SERPIND1: variants seen among roughly 807,000 people sequenced by gnomAD.
The protein encoded by SERPIND1 is heparin cofactor 2.
SERPIND1 carries 34 observed loss-of-function variants against 35.0 expected under a neutral mutation model. That is an observed-to-expected ratio of 0.97 (90% CI 0.74 to 1.29). SERPIND1 has a LOEUF of 1.29. SERPIND1 is among the 50% of genes most tolerant of loss of function. The pLI, the probability that SERPIND1 is intolerant of heterozygous loss-of-function variation, is 0.00. For synonymous variants in SERPIND1, 236 were observed against 241.1 expected (o/e 0.98, Z 0.19); for missense variants, 633 against 637.7 (o/e 0.99, Z 0.08).
chr22:20,779,696 C>T lies in SERPIND1; in HGVS notation c.384C>T (p.Ile128=). The T allele has an allele frequency of 6.2e-7, 1 of 1,614,250 alleles. No homozygotes were observed. The highest frequency in any genetic ancestry group is 1.6e-4 in the Middle Eastern group (1 of 6,062). The change falls in exon 2 of 5, where the codon ATC becomes ATT. Residue 128 remains isoleucine (I), a synonymous_variant. Transcript: ENST00000215727. ...HGKSRIQRLN[I]LNAKFAFNLY... ...AGAGCCGGATCCAGCGTCTTAACAT[C>T]CTCAACGCCAAGTTCGCTTTCAACC...
At chr22:20,783,871 A>C (rs1209022915) in intron 2 of SERPIND1, 101 bp from the exon 3 acceptor site, 1 of 1,514,700 alleles carries the variant, frequency 6.6e-7, no homozygotes, top group Admixed American at 1.7e-5. Flanking sequence ...TCTGCAGGCT[A>C]TCTGAATGAG....
chr22:20,786,511 A>G (rs1383296971), intron 4 of SERPIND1, among the ~76,000 whole-genome samples: 1 of 152,032 alleles, frequency 6.6e-6, no homozygotes, highest in Admixed American at 6.6e-5. Context: ...ACTTAAACCA[A>G]TCGGGCGCTC....
At chr22:20,780,338 G>A in intron 2 of SERPIND1, 137 bp downstream of exon 2, 3 of 1,345,842 alleles carry the variant, frequency 2.2e-6, no homozygotes, top group Non-Finnish European at 3.1e-6. Flanking sequence ...TCTGGAACGG[G>A]GACAGGGAAG....
chr22:20,777,623 A>T (rs1415801278), intron 1 of SERPIND1, among the ~76,000 whole-genome samples: 1 of 152,152 alleles, frequency 6.6e-6, no homozygotes, highest in Non-Finnish European at 1.5e-5. Flanking sequence ...CAGTGTTGGG[A>T]TTATAGGCGT....
Position 20,787,037 on chromosome 22 carries a change from G to T in SERPIND1, c.1471G>T (p.Gly491Ter), listed in dbSNP as rs1934301567. 6.2e-7 allele frequency: 1 copy of T among 1,614,044 alleles called. No individual in the cohort carries two copies. Among genetic ancestry groups the T allele is most frequent in the African/African-American group, 1.3e-5 (1 of 75,048 alleles). ...EHRTSCLLFM[G>*]RVANPSRS The stretch of plus-strand genomic sequence containing the variant: ...TCGCACCAGCTGCCTGCTCTTCATG[G>T]GAAGAGTGGCCAACCCCAGCAGGTC... The change falls in exon 5 of 5, where the codon GGA (glycine) becomes TGA (stop). Residue 491 changes from glycine (G) to a stop codon, truncating the protein, a stop_gained. Coordinates refer to ENST00000215727, the MANE Select transcript of SERPIND1 (RefSeq NM_000185.4). LOFTEE classifies it high-confidence loss of function.
Position 20,786,939 on chromosome 22 carries a change from T to C in SERPIND1, c.1373T>C (p.Val458Ala), listed in dbSNP as rs772390602. Residue 458 changes from valine (V) to alanine (A), a missense_variant, in exon 5 of 5, where the codon GTG (valine) becomes GCG (alanine). Coordinates refer to ENST00000215727, the MANE Select transcript of SERPIND1 (RefSeq NM_000185.4). ...ACCCAAGCCACCACTGTGACCACGG[T>C]GGGGTTCATGCCGCTGTCCACCCAA... ...EGTQATTVTT[V>A]GFMPLSTQVR... 1 of 1,614,082 alleles carries C rather than the reference T, an allele frequency of 6.2e-7. No individual in the cohort carries two copies. Among genetic ancestry groups the C allele is most frequent in the South Asian group, 1.1e-5 (1 of 91,066 alleles).
At chr22:20,777,744 C>G (rs988815028) in intron 1 of SERPIND1, among the ~76,000 whole-genome samples, 3 of 152,180 alleles carry the variant, frequency 2.0e-5, no homozygotes, top group Admixed American at 2.0e-4. Context: ...CCTGGCAAAA[C>G]ATGGAATCAT....
intron 1 of SERPIND1, among the ~76,000 whole-genome samples, chr22:20,778,841 C>T (rs773613031): frequency 1.9e-4 from 29 of 152,222 alleles, no homozygotes; most frequent in Admixed American, 6.5e-5. Flanking sequence ...TCCGTACCCC[C>T]ATGTGCTCTG....
chr22:20,786,578 G>A (rs1323451664), intron 4 of SERPIND1, among the ~76,000 whole-genome samples: 5 of 152,196 alleles, frequency 3.3e-5, no homozygotes, highest in East Asian at 1.9e-4. Flanking sequence ...TCCCCATCCC[G>A]GAGAAGTGCG....
intron 4 of SERPIND1, 67 bp from the exon 5 acceptor site, chr22:20,786,808 T>C (rs1385451763): frequency 3.4e-6 from 5 of 1,449,468 alleles, no homozygotes; most frequent in South Asian, 1.1e-5. Flanking sequence ...TGATATGAGA[T>C]TGTGCTGGGA....
At chr22:20,781,705 G>GAC (rs1221189493) in intron 2 of SERPIND1, among the ~76,000 whole-genome samples, 3 of 152,234 alleles carry the variant, frequency 2.0e-5, no homozygotes, top group Admixed American at 6.5e-5. Flanking sequence ...GCTTGCGGCA[G>GAC]ACACACACAC....
At chr22:20,779,073 A>G in intron 1 of SERPIND1, 1 of 1,028,028 alleles carries the variant, frequency 9.7e-7, no homozygotes. Context: ...GATTTTCATC[A>G]AGGGGCCCAC....
intron 1 of SERPIND1, among the ~76,000 whole-genome samples, chr22:20,778,436 C>T (rs911628174): frequency 6.6e-6 from 1 of 151,872 alleles, no homozygotes; most frequent in Non-Finnish European, 1.5e-5. Context: ...TCCAGGAGGC[C>T]GAAGTTGCAG....
chr22:20,780,580 C>G (rs1038494516), intron 2 of SERPIND1, among the ~76,000 whole-genome samples: 2 of 151,960 alleles, frequency 1.3e-5, no homozygotes, highest in African/African-American at 4.8e-5. Flanking sequence ...TCAGCCTGAC[C>G]AACAGACCAA....
rs184488300 is a variant in SERPIND1 at position 20,782,709 on chromosome 22, A to C, written c.890-1263A>C. Among the ~76,000 whole-genome samples, 235 of 152,306 alleles carry C rather than the reference A, an allele frequency of 1.5e-3. 2 individuals are homozygous for C. Among genetic ancestry groups the C allele is most frequent in the African/African-American group, 5.2e-3 (216 of 41,564 alleles). Reference sequence around the variant, plus strand: ...TGGTTGTCACAACCTGGGGGGTTGGAGTAAGCATTACTGGTATCTAGAAGG... The same window carrying C: ...TGGTTGTCACAACCTGGGGGGTTGGCGTAAGCATTACTGGTATCTAGAAGG... On this transcript the variant is annotated intron_variant, in intron 2 of 4. Transcript: ENST00000215727.
intron 1 of SERPIND1, among the ~76,000 whole-genome samples, chr22:20,777,688 T>C (rs1023479546): frequency 2.0e-5 from 3 of 152,202 alleles, no homozygotes; most frequent in African/African-American, 7.2e-5. Flanking sequence ...GTTGGGACCA[T>C]GTATTACCTG....
intron 2 of SERPIND1, 36 bp from the exon 3 acceptor site, chr22:20,783,936 C>A (rs752340961): frequency 2.5e-6 from 4 of 1,613,842 alleles, no homozygotes; most frequent in Admixed American, 1.7e-5. Flanking sequence ...CCTAAAGGAA[C>A]CTTCTCATAA....
In SERPIND1 at chr22:20,787,031, T is replaced by C; in HGVS notation, c.1465T>C (p.Phe489Leu). ...CGAGCATCGCACCAGCTGCCTGCTC[T>C]TCATGGGAAGAGTGGCCAACCCCAG... ...IYEHRTSCLL[F>L]MGRVANPSRS The change falls in exon 5 of 5, where the codon TTC (phenylalanine) becomes CTC (leucine). Residue 489 changes from phenylalanine to leucine, a missense_variant. Phe to Leu is a conservative substitution (Grantham distance 22, BLOSUM62 0). Transcript: ENST00000215727. 6.2e-7 allele frequency: 1 copy of C among 1,614,096 alleles called. No homozygotes were observed. The highest frequency in any genetic ancestry group is 8.5e-7 in the Non-Finnish European group (1 of 1,179,974).
At chr22:20,786,521 C>A (rs1006783537) in intron 4 of SERPIND1, among the ~76,000 whole-genome samples, 1 of 152,176 alleles carries the variant, frequency 6.6e-6, no homozygotes, top group African/African-American at 2.4e-5. Context: ...ATCGGGCGCT[C>A]AGCAAAAGAG....
Sources: gnomAD v4.1 joint callset for allele counts (sites outside exome capture counted in the v4.1 genomes callset) on GRCh38, gnomAD v4.1.1 for gene constraint, MANE v1.5 for transcripts, NCBI Gene and HGNC (gene_info 2026-07-23, HGNC 2026-07-21) for gene names.